Variants in TBC1D15 observed in about 807,000 individuals in gnomAD.
The protein encoded by TBC1D15 is GAP for RAB7.
Under a neutral mutation model 95.4 loss-of-function variants are expected in TBC1D15, and 39 were observed. The observed-to-expected ratio is 0.41, with a 90% CI of 0.32 to 0.53. TBC1D15 has a LOEUF of 0.53. Among genes scored for constraint, TBC1D15 ranks in the 20% least tolerant of loss-of-function variants. The probability of loss-of-function intolerance (pLI) is 0.29; values close to 1 mark genes in which losing one functional copy is unlikely to be tolerated. For synonymous variants in TBC1D15, 258 were observed against 261.3 expected, an observed-to-expected ratio of 0.99 and a Z score of 0.12; for missense variants, 733 against 794.3, an observed-to-expected ratio of 0.92 and a Z score of 0.93.
chr12:71,913,952 A>C (rs750373051), intron 12 of TBC1D15, 26 bp downstream of exon 12: 10 of 1,511,760 alleles, frequency 6.6e-6, no homozygotes, highest in Non-Finnish European at 9.0e-6. Flanking sequence ...CCTTCCATTA[A>C]ACTGATTTTT....
intron 3 of TBC1D15, among the ~76,000 whole-genome samples, chr12:71,873,491 T>G (rs1023366220): frequency 6.6e-6 from 1 of 152,232 alleles, no homozygotes; most frequent in Non-Finnish European, 1.5e-5. Context: ...ACATTTGGGT[T>G]GTTTTCACTT....
chr12:71,902,250 AAAG>A (rs775505547), intron 10 of TBC1D15, among the ~76,000 whole-genome samples: 5 of 152,190 alleles, frequency 3.3e-5, no homozygotes, highest in Non-Finnish European at 5.9e-5. Flanking sequence ...TGCAACCAAA[AAAG>A]AGCCCAAATA....
At chr12:71,880,639 G>A in intron 4 of TBC1D15, 32 bp downstream of exon 4, 1 of 1,581,998 alleles carries the variant, frequency 6.3e-7, no homozygotes, top group Non-Finnish European at 8.6e-7. Flanking sequence ...ATCTTAAACT[G>A]ATTTGCTACA....
intron 5 of TBC1D15, among the ~76,000 whole-genome samples, chr12:71,889,272 A>T (rs369114116): frequency 6.6e-6 from 1 of 152,204 alleles, no homozygotes; most frequent in Non-Finnish European, 1.5e-5. Context: ...TAAAGTGACT[A>T]CTTCAAAAGC....
intron 10 of TBC1D15, among the ~76,000 whole-genome samples, chr12:71,901,955 C>T (rs1381719778): frequency 6.6e-6 from 1 of 152,028 alleles, no homozygotes; most frequent in Non-Finnish European, 1.5e-5. Context: ...AACGTCCAAG[C>T]CGAGAGCCAA....
At chr12:71,912,476 A>T (rs998584957) in intron 11 of TBC1D15, among the ~76,000 whole-genome samples, 1 of 152,130 alleles carries the variant, frequency 6.6e-6, no homozygotes, top group African/African-American at 2.4e-5. Flanking sequence ...GCTCACAGCA[A>T]ATTGAGCTGA....
chr12:71,912,145 C>A (rs1300284191), intron 11 of TBC1D15, among the ~76,000 whole-genome samples: 2 of 152,130 alleles, frequency 1.3e-5, no homozygotes, highest in African/African-American at 4.8e-5. Context: ...ATTGATTTCA[C>A]TGTGTCAGGT....
chr12:71,918,571 A>G (rs773388612), intron 14 of TBC1D15, 23 bp downstream of exon 14: 2 of 1,357,104 alleles, frequency 1.5e-6, no homozygotes, highest in Non-Finnish European at 2.1e-6. Context: ...ATTATTATGC[A>G]AATGTGATAT....
At chr12:71,843,074 C>T (rs974306005) in intron 1 of TBC1D15, among the ~76,000 whole-genome samples, 3 of 151,874 alleles carry the variant, frequency 2.0e-5, no homozygotes, top group East Asian at 3.9e-4. Flanking sequence ...TACTTGAGGT[C>T]GGGAGTTTGA....
At position 71,904,204 on chromosome 12, in the gene TBC1D15, C is replaced by G. The variant is rs542844302; in HGVS notation, c.1184-2818C>G. Among the ~76,000 whole-genome samples, 8 of 152,096 alleles carry G rather than the reference C, an allele frequency of 5.3e-5. No homozygotes were observed. In the South Asian group the frequency reaches 1.7e-3, roughly 32 times the overall value. On this transcript the variant is annotated intron_variant, in intron 10 of 16. Coordinates refer to ENST00000485960, the MANE Select transcript of TBC1D15 (RefSeq NM_001146213.3). Reference sequence around the variant, plus strand: ...TAAAAGACAAGTGAAGAAAGTATTTCAAGAAGGGATAATTGGGATGCCAAG... The same window carrying G: ...TAAAAGACAAGTGAAGAAAGTATTTGAAGAAGGGATAATTGGGATGCCAAG...
intron 1 of TBC1D15, among the ~76,000 whole-genome samples, chr12:71,854,011 T>A (rs184862337): frequency 6.6e-6 from 1 of 152,338 alleles, no homozygotes; most frequent in Non-Finnish European, 1.5e-5. Flanking sequence ...CTGTGTGTTC[T>A]TCTCTTTTCT....
At chr12:71,922,165 A>G (rs746823714) in intron 16 of TBC1D15, among the ~76,000 whole-genome samples, 2 of 152,182 alleles carry the variant, frequency 1.3e-5, no homozygotes, top group East Asian at 3.9e-4. Context: ...GCTCACTGCA[A>G]CCTTCTCCTC....
chr12:71,894,939 T>G, intron 7 of TBC1D15, 56 bp downstream of exon 7: 1 of 1,506,112 alleles, frequency 6.6e-7, no homozygotes, highest in Non-Finnish European at 9.0e-7. Flanking sequence ...GAACATGTAC[T>G]ATAGAAATAG....
At chr12:71,918,025 C>T (rs1425453369) in intron 13 of TBC1D15, among the ~76,000 whole-genome samples, 1 of 152,048 alleles carries the variant, frequency 6.6e-6, no homozygotes, top group East Asian at 1.9e-4. Flanking sequence ...TGTGGTGATG[C>T]ATGCCTGTAG....
At chr12:71,918,329 G>T in intron 13 of TBC1D15, 122 bp from the exon 14 acceptor site, 1 of 536,334 alleles carries the variant, frequency 1.9e-6, no homozygotes, top group East Asian at 3.0e-5. Flanking sequence ...CCTTAACGTA[G>T]AAGACAAATG....
At position 71,901,853 on chromosome 12, in the gene TBC1D15, C is replaced by T. The variant is rs113208893; in HGVS notation, c.1183+3912C>T. On this transcript the variant is annotated intron_variant, in intron 10 of 16. Coordinates refer to ENST00000485960, the MANE Select transcript of TBC1D15 (RefSeq NM_001146213.3). ...TACCTAGAAAACCCCATAGTCTCTGCCCAAAGGCTCCTAGATCTGATAAAC... is the reference window on the plus strand; with the variant it reads ...TACCTAGAAAACCCCATAGTCTCTGTCCAAAGGCTCCTAGATCTGATAAAC... 1.4e-3 allele frequency among the ~76,000 whole-genome samples: 210 copies of T among 152,206 alleles called. 1 individual carries two copies. The highest frequency in any genetic ancestry group is 4.8e-3 in the African/African-American group (200 of 41,534).
intron 11 of TBC1D15, among the ~76,000 whole-genome samples, chr12:71,908,520 A>C (rs7302622): frequency 0.027 from 4,174 of 152,280 alleles, 189 homozygotes; most frequent in African/African-American, 0.094. Flanking sequence ...CTGTTCATAA[A>C]TATGTAAATT....
At chr12:71,920,327 T>C (rs1476486744) in intron 14 of TBC1D15, among the ~76,000 whole-genome samples, 2 of 152,186 alleles carry the variant, frequency 1.3e-5, no homozygotes, top group Admixed American at 6.5e-5. Context: ...AACCTTTTTT[T>C]ATTTCCAGGA....
chr12:71,855,482 AC>A (rs1888820313), intron 1 of TBC1D15, among the ~76,000 whole-genome samples: 2 of 152,044 alleles, frequency 1.3e-5, no homozygotes, highest in African/African-American at 4.8e-5. Context: ...CCTGGCTAAC[AC>A]GGTGAAACCC....
Sources: allele counts gnomAD v4.1 joint callset (sites outside exome capture counted in the v4.1 genomes callset), GRCh38; gene constraint gnomAD v4.1.1; transcripts MANE v1.5; gene names NCBI Gene and HGNC (gene_info 2026-07-23, HGNC 2026-07-21).